The following AFF2 variants were observed in gnomAD, a reference collection of about 807,000 sequenced individuals.
The protein encoded by AFF2 is AF4/FMR2 family member 2.
A neutral mutation model predicts 76.9 loss-of-function variants in AFF2; 14 were observed. That is an observed-to-expected ratio of 0.18 (90% CI 0.12 to 0.28). The LOEUF (loss-of-function observed/expected upper bound fraction) is 0.28, where lower values mean the gene tolerates loss of function less well. Among genes scored for constraint, AFF2 ranks in the 10% least tolerant of loss-of-function variants. The probability of loss-of-function intolerance (pLI) is 1.00; values close to 1 mark genes in which losing one functional copy is unlikely to be tolerated. For synonymous variants in AFF2, 398 were observed against 366.7 expected (o/e 1.09, Z -0.98); for missense variants, 868 against 1,001.1 (o/e 0.87, Z 1.79).
chrX:148,881,760 A>G (rs1006185272), intron 7 of AFF2, among the ~76,000 whole-genome samples: 2 of 111,453 alleles, frequency 1.8e-5, no homozygotes, highest in Admixed American at 9.6e-5. Context: ...AATTCCTTTG[A>G]CAATAATAAT....
At position 148,980,746 on chromosome X, in the gene AFF2, T is replaced by C. The variant is rs1557290778; in HGVS notation, c.3579T>C (p.Ala1193=). The C allele has an allele frequency of 5.0e-6, 6 of 1,197,478 alleles. No individual in the cohort carries two copies. In the East Asian group the frequency reaches 9.0e-5, roughly 18 times the overall value. Residue 1193 remains alanine (A), a synonymous_variant, in exon 19 of 21, where the codon GCT becomes GCC. Transcript: ENST00000370460. The part of the protein sequence containing the change: ...RSLMEYFKQN[A]SKVAQIPSPW... Reference sequence around the variant, plus strand: ...TTCTCTCTCTCTTTTAGCAAAATGCTTCAAAAGTCGCACAGATACCCTCTC... The same window carrying C: ...TTCTCTCTCTCTTTTAGCAAAATGCCTCAAAAGTCGCACAGATACCCTCTC...
chrX:148,642,999 C>T (rs1349293547), intron 1 of AFF2, among the ~76,000 whole-genome samples: 2 of 112,075 alleles, frequency 1.8e-5, no homozygotes, highest in East Asian at 5.6e-4. Flanking sequence ...TGAAGTAAAT[C>T]AAGAATTAGA....
At chrX:148,537,873 C>T (rs1461714017) in intron 1 of AFF2, among the ~76,000 whole-genome samples, 1 of 112,097 alleles carries the variant, frequency 8.9e-6, no homozygotes, top group African/African-American at 3.2e-5. Flanking sequence ...TCAGTCGCAT[C>T]AAGATTAAAC....
At chrX:148,794,627 C>T (rs1193856808) in intron 3 of AFF2, among the ~76,000 whole-genome samples, 1 of 112,126 alleles carries the variant, frequency 8.9e-6, no homozygotes, top group Admixed American at 9.5e-5. Flanking sequence ...ATCTTCTTCA[C>T]TTTCAAGTTT....
At chrX:148,716,239 T>C (rs1239078191) in intron 3 of AFF2, among the ~76,000 whole-genome samples, 6 of 108,211 alleles carry the variant, frequency 5.5e-5, no homozygotes, top group African/African-American at 2.2e-4. Flanking sequence ...ATGCACTGTT[T>C]ATTGTGCCAT....
intron 3 of AFF2, among the ~76,000 whole-genome samples, chrX:148,754,513 A>T (rs1222369222): frequency 9.0e-6 from 1 of 111,155 alleles, no homozygotes; most frequent in Admixed American, 9.6e-5. Flanking sequence ...AGGATCCAGA[A>T]GCTATCTATG....
At chrX:148,960,967 C>T (rs1298577860) in intron 12 of AFF2, among the ~76,000 whole-genome samples, 2 of 111,879 alleles carry the variant, frequency 1.8e-5, no homozygotes, top group African/African-American at 6.5e-5. Context: ...TGTCTTTCAC[C>T]AAGAAAGTCC....
intron 1 of AFF2, among the ~76,000 whole-genome samples, chrX:148,558,151 C>A (rs2053072405): frequency 8.9e-6 from 1 of 112,203 alleles, no homozygotes; most frequent in Admixed American, 9.5e-5. Flanking sequence ...TATTACAGAG[C>A]AAGTTGTATC....
chrX:148,705,523 A>G (rs1398481136), intron 3 of AFF2, among the ~76,000 whole-genome samples: 1 of 103,598 alleles, frequency 9.7e-6, no homozygotes, highest in Non-Finnish European at 2.0e-5. Flanking sequence ...TAAAGGCACC[A>G]TAAACTGGAA....
intron 1 of AFF2, among the ~76,000 whole-genome samples, chrX:148,628,964 A>G (rs1380259725): frequency 8.9e-6 from 1 of 111,815 alleles, no homozygotes; most frequent in Non-Finnish European, 1.9e-5. Context: ...CTTTTATCAT[A>G]GTACTATTAG....
At chrX:148,772,205 C>T (rs1557268153) in intron 3 of AFF2, among the ~76,000 whole-genome samples, 1 of 112,229 alleles carries the variant, frequency 8.9e-6, no homozygotes, top group African/African-American at 3.2e-5. Context: ...ATGAACCAGA[C>T]TGACTTTTTT....
At chrX:148,655,085 A>T (rs1242705932) in intron 2 of AFF2, among the ~76,000 whole-genome samples, 1 of 110,894 alleles carries the variant, frequency 9.0e-6, no homozygotes, top group African/African-American at 3.3e-5. Flanking sequence ...TTTAAATGTT[A>T]GCAGTGTCTT....
intron 3 of AFF2, among the ~76,000 whole-genome samples, chrX:148,745,805 C>T (rs191703434): frequency 9.0e-6 from 1 of 110,671 alleles, no homozygotes; most frequent in Non-Finnish European, 1.9e-5. Context: ...TGTAGTGGTG[C>T]GATCTCGGTT....
Position 148,783,441 on chromosome X carries a change from G to A in AFF2, c.1042-26435G>A, listed in dbSNP as rs782438678. Among the ~76,000 whole-genome samples, 7 of 111,549 alleles carry A rather than the reference G, an allele frequency of 6.3e-5. No homozygotes were observed. The East Asian group carries it at 1.7e-3, about 27-fold the overall frequency. ...GAAAAGGTTTATTTGTAAAGATTCC[G>A]GTACACTTACAAGTGTTAATCTCCT... On this transcript the variant is annotated intron_variant, in intron 3 of 20. Transcript: ENST00000370460.
rs1297029519 is a variant in AFF2 at position 148,776,492 on chromosome X, C to T, written c.1042-33384C>T. 5.3e-5 allele frequency among the ~76,000 whole-genome samples: 6 copies of T among 112,236 alleles called. No homozygotes were observed. In the Admixed American group the frequency reaches 5.6e-4, roughly 11 times the overall value. ...CACCCACCAACAGTGTAAAAGCATTCCTATTTCTCCACACTCTCTCCAGCA... is the reference window on the plus strand; with the variant it reads ...CACCCACCAACAGTGTAAAAGCATTTCTATTTCTCCACACTCTCTCCAGCA... On this transcript the variant is annotated intron_variant, in intron 3 of 20. Transcript: ENST00000370460.
At chrX:148,637,545 G>A (rs782668172) in intron 1 of AFF2, among the ~76,000 whole-genome samples, 12 of 112,078 alleles carry the variant, frequency 1.1e-4, no homozygotes, top group African/African-American at 3.6e-4. Context: ...GAAATATAAT[G>A]TGGGCCACAG....
intron 4 of AFF2, among the ~76,000 whole-genome samples, chrX:148,811,716 A>C (rs2070204965): frequency 8.9e-6 from 1 of 111,987 alleles, no homozygotes; most frequent in Admixed American, 9.4e-5. Context: ...AAAGCAACCC[A>C]GCCCTGGTGC....
chrX:148,544,741 C>T (rs781908154), intron 1 of AFF2, among the ~76,000 whole-genome samples: 1 of 112,124 alleles, frequency 8.9e-6, no homozygotes, highest in East Asian at 2.8e-4. Flanking sequence ...TATGAGTCCA[C>T]TGAGCTCTGT....
intron 7 of AFF2, among the ~76,000 whole-genome samples, chrX:148,857,572 G>A (rs1037937850): frequency 3.6e-5 from 4 of 111,654 alleles, no homozygotes; most frequent in African/African-American, 1.3e-4. Context: ...TACTCATTGT[G>A]TTTGCTACTG....
Sources: gnomAD v4.1 joint callset for allele counts (sites outside exome capture counted in the v4.1 genomes callset) on GRCh38, gnomAD v4.1.1 for gene constraint, MANE v1.5 for transcripts, NCBI Gene and HGNC (gene_info 2026-07-23, HGNC 2026-07-21) for gene names.